Variants in TLR4 observed in about 807,000 individuals in gnomAD.
TLR4 encodes the protein toll-like receptor 4.
In TLR4, 17 loss-of-function variants were observed where a neutral mutation model predicts 27.4. The observed-to-expected ratio is 0.62, with a 90% CI of 0.42 to 0.93. The LOEUF is 0.93. TLR4 is among the 40% of genes least tolerant of loss of function. The pLI, the probability that TLR4 is intolerant of heterozygous loss-of-function variation, is 0.00. For synonymous variants in TLR4, 363 were observed against 365.7 expected, an observed-to-expected ratio of 0.99 and a Z score of 0.08; for missense variants, 926 against 962.3, an observed-to-expected ratio of 0.96 and a Z score of 0.50.
rs1197161967 is a variant in TLR4, at chr9:117,723,720, G to A, written c.*9072G>A. ...ATTAAGCTATATGTCATTCTTACAG[G>A]AGTCTCCTCTATTTCAGCAATGTGT... On this transcript the variant is annotated 3_prime_UTR_variant, in exon 3 of 3. Coordinates refer to ENST00000355622, the MANE Select transcript of TLR4 (RefSeq NM_138554.5). 6.6e-6 allele frequency: 1 copy of A among 152,070 alleles called. No individual in the cohort carries two copies. The highest frequency in any genetic ancestry group is 1.5e-5 in the Non-Finnish European group (1 of 68,002). The allele number at this position is 152,070 out of a possible 1,614,324, so 9.4% of individuals were successfully genotyped here.
At position 117,723,561 on chromosome 9, in the gene TLR4, G is replaced by C. The variant is rs1829445719; in HGVS notation, c.*8913G>C. ...GACAGAGCCTCCAATAAAATTTAGG[G>C]AAGTGCTACATAAATGCAAGGAGTT... is the stretch of plus-strand genomic sequence containing the variant. On this transcript the variant is annotated 3_prime_UTR_variant, in exon 3 of 3. Transcript: ENST00000355622. 1 of 152,094 alleles carries C rather than the reference G, an allele frequency of 6.6e-6. No homozygotes were observed. Among genetic ancestry groups the C allele is most frequent in the Non-Finnish European group, 1.5e-5 (1 of 68,008 alleles). The allele number at this position is 152,094 out of a possible 1,614,324, so 9.4% of individuals were successfully genotyped here. A position where few individuals can be genotyped will look rare whatever the true frequency, so the allele number is the denominator to read the frequency against.
chr9:117,708,524 T>C (rs1331662521), intron 1 of TLR4, 39 bp from the exon 2 acceptor site: 6 of 1,612,960 alleles, frequency 3.7e-6, no homozygotes, highest in South Asian at 1.1e-5. Context: ...TGGGAGACCA[T>C]GCAGTAAAGA....
intron 2 of TLR4, 58 bp downstream of exon 2, chr9:117,708,787 C>A: frequency 6.3e-7 from 1 of 1,596,724 alleles, no homozygotes; most frequent in South Asian, 1.1e-5. Context: ...CCTGTCATTT[C>A]ATTATTGGAC....
Position 117,708,494 on chromosome 9 carries a change from C to T in TLR4, c.94-69C>T, listed in dbSNP as rs1829173880. 5.0e-6 allele frequency: 8 copies of T among 1,608,100 alleles called. No homozygotes were observed. The Admixed American group carries it at 8.3e-5, about 17-fold the overall frequency. Reference sequence around the variant, plus strand: ...AAAAAGAGGCCCCTCTCCACCATCTCTGGTCTAGGAGAGGGGAGTTGGGAG... The same window carrying T: ...AAAAAGAGGCCCCTCTCCACCATCTTTGGTCTAGGAGAGGGGAGTTGGGAG... On this transcript the variant is annotated intron_variant, in intron 1 of 2. Coordinates refer to ENST00000355622, the MANE Select transcript of TLR4 (RefSeq NM_138554.5).
In TLR4 at chr9:117,715,492, A is replaced by C. The variant is rs1322035044; in HGVS notation, c.*844A>C. 1.3e-5 allele frequency: 2 copies of C among 152,140 alleles called. No homozygotes were observed. Among genetic ancestry groups the C allele is most frequent in the African/African-American group, 4.8e-5 (2 of 41,426 alleles). 9.4% of individuals were successfully genotyped at this position (152,140 alleles called of 1,614,324 possible). ...AAGCAGCATTGAAATAATTTGTTTA[A>C]AGGGGGCACTCTTTTAAACGGGAAG... On this transcript the variant is annotated 3_prime_UTR_variant, in exon 3 of 3. Coordinates refer to ENST00000355622, the MANE Select transcript of TLR4 (RefSeq NM_138554.5).
At position 117,721,293 on chromosome 9, in the gene TLR4, T is replaced by A. The variant is rs1400114397; in HGVS notation, c.*6645T>A. 1.3e-5 allele frequency: 2 copies of A among 152,208 alleles called. No homozygotes were observed. Among genetic ancestry groups the A allele is most frequent in the African/African-American group, 4.8e-5 (2 of 41,454 alleles). The allele number at this position is 152,208 out of a possible 1,614,324, so 9.4% of individuals were successfully genotyped here. ...CATTCTCCATGTCCATGTCTACAAA[T>A]TATTTAGTTTCCACTCATAAGTGAG... On this transcript the variant is annotated 3_prime_UTR_variant, in exon 3 of 3. Transcript: ENST00000355622.
At position 117,713,798 on chromosome 9, in the gene TLR4, T is replaced by C. The variant is rs778870154; in HGVS notation, c.1670T>C (p.Met557Thr). 8 of 1,613,890 alleles carry C rather than the reference T, an allele frequency of 5.0e-6. No individual in the cohort carries two copies. Among genetic ancestry groups the C allele is most frequent in the Non-Finnish European group, 5.9e-6 (7 of 1,180,006 alleles). The stretch of plus-strand genomic sequence containing the variant: ...CTTGATTACAGTCTCAATCACATAA[T>C]GACTTCCAAAAAACAGGAACTACAG... ...QVLDYSLNHI[M>T]TSKKQELQHF... is the part of the protein sequence containing the mutation. The change falls in exon 3 of 3, where the codon ATG becomes ACG. Residue 557 changes from methionine (M) to threonine (T), a missense_variant. Physicochemically the swap from Met to Thr is moderately conservative, Grantham distance 81 (BLOSUM62 -1). Transcript: ENST00000355622.
chr9:117,717,979 A>C lies in TLR4; in HGVS notation c.*3331A>C, dbSNP rs2131178261. 1 of 152,340 alleles carries C rather than the reference A, an allele frequency of 6.6e-6. No homozygotes were observed. The highest frequency in any genetic ancestry group is 2.4e-5 in the African/African-American group (1 of 41,580). 9.4% of individuals were successfully genotyped at this position (152,340 alleles called of 1,614,324 possible). A position where few individuals can be genotyped will look rare whatever the true frequency, so the allele number is the denominator to read the frequency against. On this transcript the variant is annotated 3_prime_UTR_variant, in exon 3 of 3. Transcript: ENST00000355622. Reference sequence around the variant, plus strand: ...AATCCTCTGGATTTAAGAGGGATAAAGGGTGGAATAAGGATAAATTAATGC... The same window carrying C: ...AATCCTCTGGATTTAAGAGGGATAACGGGTGGAATAAGGATAAATTAATGC...
chr9:117,713,977 G>A lies in TLR4; in HGVS notation c.1849G>A (p.Gly617Ser). The A allele has an allele frequency of 6.2e-7, 1 of 1,613,892 alleles. No homozygotes were observed. Among genetic ancestry groups the A allele is most frequent in the Non-Finnish European group, 8.5e-7 (1 of 1,179,970 alleles). Reference protein sequence around the residue: ...MECATPSDKQGMPVLSLNITC... With the variant: ...MECATPSDKQSMPVLSLNITC... ...ATGTGCAACACCTTCAGATAAGCAG[G>A]GCATGCCTGTGCTGAGTTTGAATAT... Residue 617 changes from glycine (G) to serine (S), a missense_variant, in exon 3 of 3, where the codon GGC (glycine) becomes AGC (serine). Transcript: ENST00000355622.
intron 2 of TLR4, 53 bp downstream of exon 2, chr9:117,708,782 C>G: frequency 6.2e-7 from 1 of 1,600,852 alleles, no homozygotes; most frequent in South Asian, 1.1e-5. Context: ...ATTGTCCTGT[C>G]ATTTCATTAT....
In TLR4 at chr9:117,721,416, ATCT is replaced by A. The variant is rs974263886; in HGVS notation, c.*6775_*6777del. 6.6e-6 allele frequency: 1 copy of A among 152,264 alleles called. No individual in the cohort carries two copies. Among genetic ancestry groups the A allele is most frequent in the Non-Finnish European group, 1.5e-5 (1 of 68,070 alleles). The allele number at this position is 152,264 out of a possible 1,614,324, so 9.4% of individuals were successfully genotyped here. ...TTGCTCTCTCTCTTACATCTTTTCT[ATCT>A]TCTTCTAGCCTCTTTTTGCAAACTT... On this transcript the variant is annotated 3_prime_UTR_variant, in exon 3 of 3. Transcript: ENST00000355622.
chr9:117,705,861 T>C (rs1381573242), intron 1 of TLR4, among the ~76,000 whole-genome samples: 1 of 152,196 alleles, frequency 6.6e-6, no homozygotes, highest in East Asian at 1.9e-4. Flanking sequence ...ACAGGGCCTT[T>C]GCACTGGCTA....
At position 117,712,870 on chromosome 9, in the gene TLR4, C is replaced by G. The variant is rs1564265611; in HGVS notation, c.742C>G (p.Gln248Glu). The change falls in exon 3 of 3, where the codon CAA becomes GAA. Residue 248 changes from glutamine to glutamate, a missense_variant. Gln to Glu is a conservative substitution (Grantham distance 29). Transcript: ENST00000355622. ...TTTAAATGTAATGAAAACTTGTATT[C>G]AAGGTCTGGCTGGTTTAGAAGTCCA... is the stretch of plus-strand genomic sequence containing the variant. ...DSLNVMKTCI[Q>E]GLAGLEVHRL... 1 of 1,613,888 alleles carries G rather than the reference C, an allele frequency of 6.2e-7. No homozygotes were observed.
intron 1 of TLR4, among the ~76,000 whole-genome samples, chr9:117,705,800 T>G (rs894357282): frequency 6.6e-6 from 1 of 152,192 alleles, no homozygotes; most frequent in Non-Finnish European, 1.5e-5. Flanking sequence ...CAAATTACTC[T>G]CCTTAAAAAC....
rs1588095779 is a variant in TLR4, at chr9:117,714,602, G to A, written c.2474G>A (p.Gly825Glu). The A allele has an allele frequency of 6.2e-7, 1 of 1,613,568 alleles. No homozygotes were observed. The highest frequency in any genetic ancestry group is 8.5e-7 in the Non-Finnish European group (1 of 1,179,966). ...LLDGKSWNPEGTVGTGCNWQE... is the reference protein window; with the variant it reads ...LLDGKSWNPEETVGTGCNWQE... ...GATGGTAAATCATGGAATCCAGAAG[G>A]AACAGTGGGTACAGGATGCAATTGG... Residue 825 changes from glycine to glutamate, a missense_variant, in exon 3 of 3, where the codon GGA (glycine) becomes GAA (glutamate). Physicochemically the swap from Gly to Glu is moderately conservative, Grantham distance 98. Transcript: ENST00000355622.
At position 117,713,995 on chromosome 9, in the gene TLR4, T is replaced by C. The variant is rs201231830; in HGVS notation, c.1867T>C (p.Leu623=). ...SDKQGMPVLS[L]NITCQMNKTI... ...TAAGCAGGGCATGCCTGTGCTGAGT[T>C]TGAATATCACCTGTCAGATGAATAA... is the stretch of plus-strand genomic sequence containing the variant. Residue 623 remains leucine, a synonymous_variant, in exon 3 of 3, where the codon TTG becomes CTG. Coordinates refer to ENST00000355622, the MANE Select transcript of TLR4 (RefSeq NM_138554.5). 5 of 1,613,974 alleles carry C rather than the reference T, an allele frequency of 3.1e-6. No homozygotes were observed. The highest frequency in any genetic ancestry group is 4.2e-6 in the Non-Finnish European group (5 of 1,179,980).
Position 117,715,239 on chromosome 9 carries a change from T to C in TLR4, c.*591T>C, listed in dbSNP as rs1460336657. On this transcript the variant is annotated 3_prime_UTR_variant, in exon 3 of 3. Coordinates refer to ENST00000355622, the MANE Select transcript of TLR4 (RefSeq NM_138554.5). ...CCATCCTGGTCATTCTCGAGCATGT[T>C]CTATTTTTTAACTAATCACCCCTGA... The C allele has an allele frequency of 6.5e-6, 1 of 153,768 alleles. No homozygotes were observed. Among genetic ancestry groups the C allele is most frequent in the African/African-American group, 2.4e-5 (1 of 41,460 alleles). 9.5% of individuals were successfully genotyped at this position (153,768 alleles called of 1,614,324 possible). A position where few individuals can be genotyped will look rare whatever the true frequency, so the allele number is the denominator to read the frequency against.
rs529562051 is a variant in TLR4, at chr9:117,708,422, A to G, written c.94-141A>G. 2.2e-4 allele frequency: 345 copies of G among 1,543,808 alleles called. 1 individual carries two copies. Among genetic ancestry groups the G allele is most frequent in the Admixed American group, 5.7e-4 (30 of 53,046 alleles). On this transcript the variant is annotated intron_variant, in intron 1 of 2. Transcript: ENST00000355622. Reference sequence around the variant, plus strand: ...AATGGATGGATGGATATATGGATGGAAGGATGGACAGATGGATGAAAGGTT... The same window carrying G: ...AATGGATGGATGGATATATGGATGGGAGGATGGACAGATGGATGAAAGGTT...
At chr9:117,704,675 C>T (rs1265018877) in intron 1 of TLR4, 110 bp downstream of exon 1, 3 of 917,844 alleles carry the variant, frequency 3.3e-6, no homozygotes, top group East Asian at 2.6e-5. Context: ...AGTTAAATTA[C>T]CTTAAAGACT....
Sources: gnomAD v4.1 joint callset for allele counts (sites outside exome capture counted in the v4.1 genomes callset) on GRCh38, gnomAD v4.1.1 for gene constraint, MANE v1.5 for transcripts, NCBI Gene and HGNC (gene_info 2026-07-23, HGNC 2026-07-21) for gene names.